Variants in MEF2C observed in about 807,000 individuals in gnomAD.
MEF2C encodes the protein myocyte enhancer factor 2C, also known as myocyte-specific enhancer factor 2C.
Under a neutral mutation model 50.5 loss-of-function variants are expected in MEF2C, and 6 were observed. The ratio of observed to expected loss-of-function variants is 0.12; its 90% CI spans 0.07 to 0.23. The LOEUF (loss-of-function observed/expected upper bound fraction) is 0.23, where lower values mean the gene tolerates loss of function less well. Among genes scored for constraint, MEF2C ranks in the 10% least tolerant of loss-of-function variants. The pLI is 1.00. For missense variants in MEF2C, 276 were observed against 605.0 expected (o/e 0.46, Z 5.70); for synonymous variants, 183 against 228.0 (o/e 0.80, Z 1.78).
In MEF2C at chr5:88,776,185, TC is replaced by T. The variant is rs369289854; in HGVS notation, c.259-14858del. 6.1e-4 allele frequency among the ~76,000 whole-genome samples: 93 copies of T among 152,176 alleles called. 1 individual carries two copies. In the South Asian group the frequency reaches 0.019, roughly 31 times the overall value. On this transcript the variant is annotated intron_variant, in intron 3 of 10. Transcript: ENST00000504921. ...TTTGTTAACTGTTATGATGAACTTT[TC>T]CCCATAATTAAAAAAATTATTAGTA...
chr5:88,824,111 ATTTT>A (rs1483424840), intron 1 of MEF2C, 181 bp from the exon 2 acceptor site: 89 of 896,704 alleles, frequency 9.9e-5, no homozygotes, highest in Non-Finnish European at 1.2e-4. Context: ...AAGTAGTTTT[ATTTT>A]TTAACAATTA....
chr5:88,737,547 A>G, intron 6 of MEF2C: 6 of 985,342 alleles, frequency 6.1e-6, no homozygotes, highest in Non-Finnish European at 7.2e-6. Flanking sequence ...AAATCTCAAT[A>G]CTAATTTACT....
intron 1 of MEF2C, among the ~76,000 whole-genome samples, chr5:88,832,859 TCTG>T (rs1450710536): frequency 6.6e-6 from 1 of 152,182 alleles, no homozygotes; most frequent in African/African-American, 2.4e-5. Context: ...TCACTGATCA[TCTG>T]CTGGTACTTG....
At chr5:88,738,003 C>G (rs1561740236) in intron 6 of MEF2C, 1 of 985,192 alleles carries the variant, frequency 1.0e-6, no homozygotes, top group Non-Finnish European at 1.2e-6. Flanking sequence ...AGTTAGAACG[C>G]CTTGCTCTAG....
chr5:88,802,556 C>T (rs183995204), intron 3 of MEF2C, among the ~76,000 whole-genome samples: 2,175 of 152,314 alleles, frequency 0.014, 13 homozygotes, highest in Non-Finnish European at 0.021. Context: ...AAGCCATCTT[C>T]CCCCTTCAGC....
chr5:88,724,065 A>C (rs1055551817), intron 10 of MEF2C, among the ~76,000 whole-genome samples: 45 of 152,190 alleles, frequency 3.0e-4, no homozygotes, highest in African/African-American at 1.1e-3. Context: ...AGCTAGAGTC[A>C]GGATTACTTG....
intron 6 of MEF2C, among the ~76,000 whole-genome samples, chr5:88,744,334 G>C (rs1768302872): frequency 6.6e-6 from 1 of 152,162 alleles, no homozygotes. Flanking sequence ...TGGGCGGATT[G>C]CCTGAGCTCA....
rs772788802 is a variant in MEF2C at position 88,863,816 on chromosome 5, TTC to T, written c.-143+19137_-143+19138del. 1.6e-3 allele frequency among the ~76,000 whole-genome samples: 209 copies of T among 134,088 alleles called. 1 individual carries two copies. Among genetic ancestry groups the T allele is most frequent in the Admixed American group, 3.7e-3 (50 of 13,364 alleles). The allele number at this position is 134,088 out of a possible 152,430, so 88.0% of individuals were successfully genotyped here. A position where few individuals can be genotyped will look rare whatever the true frequency, so the allele number is the denominator to read the frequency against. On this transcript the variant is annotated intron_variant, in intron 1 of 10. Coordinates refer to ENST00000504921, the MANE Select transcript of MEF2C (RefSeq NM_002397.5). ...TCATTCATGTTGCAAATGACAGAATTTCTTTTTCTTTTTTTTTTTTTTTGAGA... is the reference window on the plus strand; with the variant it reads ...TCATTCATGTTGCAAATGACAGAATTTTTTTCTTTTTTTTTTTTTTTGAGA...
intron 1 of MEF2C, among the ~76,000 whole-genome samples, chr5:88,850,321 T>A (rs570209745): frequency 6.6e-6 from 1 of 152,218 alleles, no homozygotes; most frequent in Admixed American, 6.5e-5. Flanking sequence ...TCCAGAAATA[T>A]GCTTTGTAGT....
intron 3 of MEF2C, among the ~76,000 whole-genome samples, chr5:88,794,681 A>C (rs1293704619): frequency 6.6e-6 from 1 of 152,002 alleles, no homozygotes; most frequent in Non-Finnish European, 1.5e-5. Context: ...TTTTGTTGCC[A>C]TTGCTTTTGG....
At chr5:88,827,178 A>C (rs1259997464) in intron 1 of MEF2C, 2 of 151,896 alleles carry the variant, frequency 1.3e-5, no homozygotes, top group East Asian at 3.9e-4. Context: ...CCACTGGGCT[A>C]TCTCATTTAC....
chr5:88,891,868 C>T (rs1341612411), intron 1 of MEF2C, among the ~76,000 whole-genome samples: 2 of 151,966 alleles, frequency 1.3e-5, no homozygotes, highest in East Asian at 3.9e-4. Context: ...TGTTTGTATT[C>T]TATATATCTT....
At chr5:88,724,419 T>C in intron 10 of MEF2C, among the ~76,000 whole-genome samples, 1 of 152,156 alleles carries the variant, frequency 6.6e-6, no homozygotes, top group East Asian at 1.9e-4. Flanking sequence ...GGCAAAGAAT[T>C]ACTTTCCTTC....
intron 6 of MEF2C, chr5:88,748,234 T>C (rs1334713475): frequency 3.1e-6 from 3 of 975,150 alleles, no homozygotes; most frequent in Admixed American, 6.1e-5. Context: ...AATTAGGCTA[T>C]CCATGTCTAT....
rs976951335 is a variant in MEF2C, at chr5:88,718,213, T to C, written c.*4391A>G. 3 of 152,226 alleles carry C rather than the reference T, an allele frequency of 2.0e-5. No individual in the cohort carries two copies. Among genetic ancestry groups the C allele is most frequent in the African/African-American group, 7.2e-5 (3 of 41,464 alleles). 9.4% of individuals were successfully genotyped at this position (152,226 alleles called of 1,614,324 possible). ...ATAAATTTAAACAGCAAAACATTAATTTAAAAAAATGCACCACGGACACTG... is the reference window on the plus strand; with the variant it reads ...ATAAATTTAAACAGCAAAACATTAACTTAAAAAAATGCACCACGGACACTG... On this transcript the variant is annotated 3_prime_UTR_variant, in exon 11 of 11. Transcript: ENST00000504921.
chr5:88,832,624 G>T (rs1813506925), intron 1 of MEF2C, among the ~76,000 whole-genome samples: 1 of 152,060 alleles, frequency 6.6e-6, no homozygotes, highest in African/African-American at 2.4e-5. Context: ...TGGCTCATCT[G>T]ATTCTAAAGT....
Position 88,739,588 on chromosome 5 carries a change from G to A in MEF2C, c.638-7687C>T, listed in dbSNP as rs149992570. ...TGCTCATACAATCCCCTACTCTACTGGAAGTGACAGTTGAAAAAAAAATTA... is the reference window on the plus strand; with the variant it reads ...TGCTCATACAATCCCCTACTCTACTAGAAGTGACAGTTGAAAAAAAAATTA... On this transcript the variant is annotated intron_variant, in intron 6 of 10. Coordinates refer to ENST00000504921, the MANE Select transcript of MEF2C (RefSeq NM_002397.5). 1.9e-4 allele frequency: 190 copies of A among 984,880 alleles called. 2 individuals are homozygous for A. The African/African-American group carries it at 3.0e-3, about 16-fold the overall frequency. The allele number at this position is 984,880 out of a possible 1,614,324, so 61.0% of individuals were successfully genotyped here.
chr5:88,865,477 A>C (rs1290060988), intron 1 of MEF2C, among the ~76,000 whole-genome samples: 3 of 152,194 alleles, frequency 2.0e-5, no homozygotes, highest in Non-Finnish European at 4.4e-5. Context: ...AGTTTATGCA[A>C]TTATCTTTTA....
chr5:88,723,167 T>C (rs1027600604), intron 10 of MEF2C, among the ~76,000 whole-genome samples: 1 of 152,180 alleles, frequency 6.6e-6, no homozygotes, highest in Non-Finnish European at 1.5e-5. Context: ...ATTATATCTC[T>C]AGTCTCCGAG....
Sources: allele counts gnomAD v4.1 joint callset (sites outside exome capture counted in the v4.1 genomes callset), GRCh38; gene constraint gnomAD v4.1.1; transcripts MANE v1.5; gene names NCBI Gene and HGNC (gene_info 2026-07-23, HGNC 2026-07-21).